IL20RA: variants seen among roughly 807,000 people sequenced by gnomAD.
The protein encoded by IL20RA is interleukin 20 receptor subunit alpha.
IL20RA carries 29 observed loss-of-function variants against 36.5 expected under a neutral mutation model. The observed-to-expected ratio is 0.79, with a 90% CI of 0.59 to 1.08. The LOEUF is 1.08. Ranked by LOEUF, IL20RA falls within the 50% of genes least tolerant of loss-of-function variation. The pLI is 0.00. For missense variants in IL20RA, 652 were observed against 668.4 expected (o/e 0.98, Z 0.27); for synonymous variants, 279 against 267.1 (o/e 1.04, Z -0.43).
In IL20RA at chr6:137,002,145, G is replaced by A. The variant is rs1234364337; in HGVS notation, c.1075C>T (p.His359Tyr). Residue 359 changes from histidine (H) to tyrosine (Y), a missense_variant, in exon 7 of 7, where the codon CAT becomes TAT. Physicochemically the swap from His to Tyr is moderately conservative, Grantham distance 83. Coordinates refer to ENST00000316649, the MANE Select transcript of IL20RA (RefSeq NM_014432.4). ...RPPQEEEEVK[H>Y]LGYASHLMEI... The stretch of plus-strand genomic sequence containing the variant: ...ATCAAATGCGAAGCATACCCTAAAT[G>A]TTTCACCTCCTCTTCCTCCTGAGGG... 6.2e-7 allele frequency: 1 copy of A among 1,614,074 alleles called. No individual in the cohort carries two copies. The highest frequency in any genetic ancestry group is 8.5e-7 in the Non-Finnish European group (1 of 1,180,022).
chr6:137,004,176 T>G lies in IL20RA; in HGVS notation c.864+445A>C, dbSNP rs1005042993. Among the ~76,000 whole-genome samples, 22 of 141,184 alleles carry G rather than the reference T, an allele frequency of 1.6e-4. 1 individual carries two copies. Among genetic ancestry groups the G allele is most frequent in the Admixed American group, 1.4e-3 (20 of 14,178 alleles). The allele number at this position is 141,184 out of a possible 152,430, so 92.6% of individuals were successfully genotyped here. On this transcript the variant is annotated intron_variant, in intron 6 of 6. Coordinates refer to ENST00000316649, the MANE Select transcript of IL20RA (RefSeq NM_014432.4). ...CCAGAAAGCTTTTTTTTTTTTTTTT[T>G]TTTTTTTTTGAGACAGAGCCTCAGA...
intron 1 of IL20RA, among the ~76,000 whole-genome samples, chr6:137,033,661 C>G (rs1300256272): frequency 2.0e-5 from 3 of 152,190 alleles, no homozygotes; most frequent in Middle Eastern, 6.3e-3. Flanking sequence ...CCTGAGGCCT[C>G]CCCAAAAGCC....
chr6:137,021,081 C>T (rs992795461), intron 1 of IL20RA, among the ~76,000 whole-genome samples: 35 of 151,436 alleles, frequency 2.3e-4, no homozygotes, highest in African/African-American at 7.8e-4. Context: ...AATTAAGCCA[C>T]GTTAGTCATC....
intron 5 of IL20RA, among the ~76,000 whole-genome samples, chr6:137,006,827 G>T (rs770900483): frequency 2.6e-5 from 4 of 151,684 alleles, no homozygotes; most frequent in African/African-American, 9.7e-5. Flanking sequence ...AGGCTCAGGT[G>T]ATCCTCCCAT....
intron 1 of IL20RA, among the ~76,000 whole-genome samples, chr6:137,023,506 C>T (rs1307798490): frequency 3.3e-5 from 5 of 152,202 alleles, no homozygotes; most frequent in African/African-American, 1.2e-4. Flanking sequence ...AAATGGATCA[C>T]TTCACTGCTG....
At chr6:137,044,243 G>T (rs1776815384) in intron 1 of IL20RA, 6 of 990,402 alleles carry the variant, frequency 6.1e-6, no homozygotes, top group African/African-American at 1.7e-5. Flanking sequence ...CCCTCCGCGC[G>T]GCCGCGGCGG....
intron 1 of IL20RA, among the ~76,000 whole-genome samples, chr6:137,017,747 T>A (rs543959544): frequency 1.3e-5 from 2 of 152,152 alleles, no homozygotes; most frequent in South Asian, 4.1e-4. Flanking sequence ...AAGGAACCAA[T>A]GAAATAAGAC....
chr6:137,044,505 G>T, intron 1 of IL20RA, 136 bp downstream of exon 1: 1 of 950,702 alleles, frequency 1.1e-6, no homozygotes, highest in Non-Finnish European at 1.4e-6. Context: ...CGGCCTCCGC[G>T]CACCTCGTCC....
In IL20RA at chr6:137,001,435, T is replaced by A; in HGVS notation, c.*123A>T. On this transcript the variant is annotated 3_prime_UTR_variant, in exon 7 of 7. Coordinates refer to ENST00000316649, the MANE Select transcript of IL20RA (RefSeq NM_014432.4). The stretch of plus-strand genomic sequence containing the variant: ...TATGAGAATAGAGAAAAGAAATAAG[T>A]AATTCTCACAGACACTGACAAACTG... The A allele has an allele frequency of 3.6e-6, 3 of 824,836 alleles. No homozygotes were observed. In the Admixed American group the frequency reaches 7.6e-5, roughly 21 times the overall value. 51.1% of individuals were successfully genotyped at this position (824,836 alleles called of 1,614,324 possible). A position where few individuals can be genotyped will look rare whatever the true frequency, so the allele number is the denominator to read the frequency against.
chr6:137,042,150 T>C (rs1445635651), intron 1 of IL20RA, among the ~76,000 whole-genome samples: 3 of 152,140 alleles, frequency 2.0e-5, no homozygotes, highest in Non-Finnish European at 1.5e-5. Context: ...GCTGCCAGTA[T>C]GAATCTCCAG....
chr6:137,017,317 T>G (rs1775734640), intron 1 of IL20RA, among the ~76,000 whole-genome samples: 1 of 152,156 alleles, frequency 6.6e-6, no homozygotes, highest in Non-Finnish European at 1.5e-5. Context: ...AGTTGCTATG[T>G]AAAATAACAG....
In IL20RA at chr6:137,004,653, G is replaced by T. The variant is rs911702202; in HGVS notation, c.832C>A (p.His278Asn). The T allele has an allele frequency of 6.2e-7, 1 of 1,613,386 alleles. No individual in the cohort carries two copies. Among genetic ancestry groups the T allele is most frequent in the African/African-American group, 1.3e-5 (1 of 74,740 alleles). ...VMGYSIYRYI[H>N]VGKEKHPANL... Reference sequence around the variant, plus strand: ...GCTGGGTGTTTCTCTTTGCCAACGTGGATATATCGGTAGATGGAATAGCCC... The same window carrying T: ...GCTGGGTGTTTCTCTTTGCCAACGTTGATATATCGGTAGATGGAATAGCCC... Residue 278 changes from histidine to asparagine, a missense_variant, in exon 6 of 7, where the codon CAC (histidine) becomes AAC (asparagine). His to Asn is a moderately conservative substitution (Grantham distance 68, BLOSUM62 1). Coordinates refer to ENST00000316649, the MANE Select transcript of IL20RA (RefSeq NM_014432.4).
intron 1 of IL20RA, among the ~76,000 whole-genome samples, chr6:137,041,428 T>C (rs1370621456): frequency 6.6e-6 from 1 of 152,336 alleles, no homozygotes; most frequent in South Asian, 2.1e-4. Context: ...GAGAGGGATA[T>C]GGGAATTCTT....
intron 1 of IL20RA, among the ~76,000 whole-genome samples, chr6:137,036,821 C>A (rs1288377445): frequency 6.6e-6 from 1 of 152,160 alleles, no homozygotes; most frequent in Non-Finnish European, 1.5e-5. Flanking sequence ...CTGTTGCTTG[C>A]TTGTATCTTT....
chr6:137,027,121 G>T (rs1427441432), intron 1 of IL20RA, among the ~76,000 whole-genome samples: 8 of 152,006 alleles, frequency 5.3e-5, no homozygotes. Context: ...TTCTCAGGTG[G>T]TCCACCCGCC....
chr6:137,036,214 G>A (rs926560444), intron 1 of IL20RA, among the ~76,000 whole-genome samples: 3 of 152,174 alleles, frequency 2.0e-5, no homozygotes, highest in Non-Finnish European at 4.4e-5. Flanking sequence ...ATGTTGGAGA[G>A]GAGGAACCAC....
chr6:137,007,452 G>A (rs1197863491), intron 5 of IL20RA, among the ~76,000 whole-genome samples: 2 of 152,216 alleles, frequency 1.3e-5, no homozygotes, highest in Non-Finnish European at 2.9e-5. Context: ...ATAGAGCCAA[G>A]GCATGGGGTG....
rs145811210 is a variant in IL20RA at position 137,018,019 on chromosome 6, C to T, written c.89-916G>A. Among the ~76,000 whole-genome samples the T allele has an allele frequency of 6.3e-4, 96 of 152,234 alleles. 1 individual carries two copies. The highest frequency in any genetic ancestry group is 1.1e-3 in the African/African-American group (44 of 41,550). ...AAAATATTGGAAAGATCACAAAGCA[C>T]GGAGTGATAACCAATCAGGTTTTAT... On this transcript the variant is annotated intron_variant, in intron 1 of 6. Coordinates refer to ENST00000316649, the MANE Select transcript of IL20RA (RefSeq NM_014432.4).
At position 137,009,436 on chromosome 6, in the gene IL20RA, C is replaced by T. The variant is rs374476894; in HGVS notation, c.460G>A (p.Val154Ile). 7.4e-6 allele frequency: 12 copies of T among 1,613,112 alleles called. No individual in the cohort carries two copies. In the African/African-American group the frequency reaches 1.5e-4, roughly 20 times the overall value. Residue 154 changes from valine to isoleucine, a missense_variant, in exon 4 of 7, where the codon GTC becomes ATC. Physicochemically the swap from Val to Ile is conservative, Grantham distance 29. Coordinates refer to ENST00000316649, the MANE Select transcript of IL20RA (RefSeq NM_014432.4). ...TTCCACTTCTCTGGAGCTGTCAGGA[C>T]AACAGAAATGGACTTCTCATCTGTA... Reference protein sequence around the residue: ...LTTDEKSISVVLTAPEKWKRN... With the variant: ...LTTDEKSISVILTAPEKWKRN...
Sources: gnomAD v4.1 joint callset for allele counts (sites outside exome capture counted in the v4.1 genomes callset) on GRCh38, gnomAD v4.1.1 for gene constraint, MANE v1.5 for transcripts, NCBI Gene and HGNC (gene_info 2026-07-23, HGNC 2026-07-21) for gene names.